FMN2: variants seen among roughly 807,000 people sequenced by gnomAD.
FMN2 encodes the protein formin 2.
FMN2 carries 51 observed loss-of-function variants against 142.3 expected under a neutral mutation model. The observed-to-expected ratio is 0.36, with a 90% CI of 0.29 to 0.45. FMN2 has a LOEUF of 0.45. Among genes scored for constraint, FMN2 ranks in the 20% least tolerant of loss-of-function variants. The pLI is 1.00. For missense variants in FMN2, 1,936 were observed against 2,122.8 expected (o/e 0.91, Z 1.73); for synonymous variants, 882 against 869.8 (o/e 1.01, Z -0.25).
chr1:240,147,529 G>C lies in FMN2; in HGVS notation c.1782+24184G>C, dbSNP rs575568448. 9.1e-4 allele frequency among the ~76,000 whole-genome samples: 138 copies of C among 151,872 alleles called. 1 individual carries two copies. Among genetic ancestry groups the C allele is most frequent in the African/African-American group, 3.2e-3 (133 of 41,364 alleles). ...TTTTTAAAAGATAGGATTTCTCTCTGTCACCCAGGCTGGAGTGCAATGGAA... is the reference window on the plus strand; with the variant it reads ...TTTTTAAAAGATAGGATTTCTCTCTCTCACCCAGGCTGGAGTGCAATGGAA... On this transcript the variant is annotated intron_variant, in intron 2 of 17. Coordinates refer to ENST00000319653, the MANE Select transcript of FMN2 (RefSeq NM_020066.5).
chr1:240,331,326 A>C (rs1328651097), intron 11 of FMN2, among the ~76,000 whole-genome samples: 1 of 152,152 alleles, frequency 6.6e-6, no homozygotes, highest in Non-Finnish European at 1.5e-5. Context: ...CTACTTCTGC[A>C]GTTGTGTTTG....
At chr1:240,450,036 AAG>A (rs1455847801) in intron 16 of FMN2, among the ~76,000 whole-genome samples, 1 of 152,088 alleles carries the variant, frequency 6.6e-6, no homozygotes, top group East Asian at 1.9e-4. Context: ...TCAAAGTTAT[AAG>A]TATTCTTTGA....
At chr1:240,422,213 T>C (rs1348131952) in intron 15 of FMN2, among the ~76,000 whole-genome samples, 1 of 152,214 alleles carries the variant, frequency 6.6e-6, no homozygotes, top group Non-Finnish European at 1.5e-5. Context: ...TTTTGCAGTA[T>C]GGTGTTGGCT....
intron 14 of FMN2, among the ~76,000 whole-genome samples, chr1:240,361,041 A>G (rs1343462891): frequency 2.0e-5 from 3 of 151,260 alleles, no homozygotes; most frequent in Non-Finnish European, 4.4e-5. Flanking sequence ...TAATGGGTGC[A>G]GCACACCAAC....
At chr1:240,159,015 C>T (rs1184241195) in intron 2 of FMN2, among the ~76,000 whole-genome samples, 1 of 152,102 alleles carries the variant, frequency 6.6e-6, no homozygotes, top group African/African-American at 2.4e-5. Flanking sequence ...ATTATAAAAA[C>T]TGTTTCCCGT....
chr1:240,208,988 T>C (rs1666568299), intron 5 of FMN2, among the ~76,000 whole-genome samples: 1 of 152,176 alleles, frequency 6.6e-6, no homozygotes, highest in South Asian at 2.1e-4. Flanking sequence ...TATGTAGTTA[T>C]TGATATATCT....
At chr1:240,147,473 C>T (rs1028070056) in intron 2 of FMN2, among the ~76,000 whole-genome samples, 4 of 152,118 alleles carry the variant, frequency 2.6e-5, no homozygotes, top group African/African-American at 9.7e-5. Flanking sequence ...CTCTTTAGTT[C>T]CTTCTCCACA....
chr1:240,382,400 C>A (rs1386601160), intron 14 of FMN2, among the ~76,000 whole-genome samples: 1 of 152,112 alleles, frequency 6.6e-6, no homozygotes, highest in East Asian at 1.9e-4. Context: ...ACCGGCTGGG[C>A]CTGTAATCCC....
intron 6 of FMN2, among the ~76,000 whole-genome samples, chr1:240,222,021 T>A (rs1365652014): frequency 6.7e-6 from 1 of 149,984 alleles, no homozygotes; most frequent in African/African-American, 2.4e-5. Context: ...CTAATTTTTT[T>A]TTTTTTTTTG....
At chr1:240,119,802 C>A (rs1662164347) in intron 1 of FMN2, among the ~76,000 whole-genome samples, 1 of 152,200 alleles carries the variant, frequency 6.6e-6, no homozygotes, top group African/African-American at 2.4e-5. Context: ...CATTTACCTT[C>A]AGTCACACAC....
intron 8 of FMN2, among the ~76,000 whole-genome samples, chr1:240,312,016 C>A (rs1009835549): frequency 6.6e-6 from 1 of 152,104 alleles, no homozygotes; most frequent in African/African-American, 2.4e-5. Flanking sequence ...TGATATTTTT[C>A]TTTTATTAGT....
chr1:240,373,626 A>G (rs998816046), intron 14 of FMN2, among the ~76,000 whole-genome samples: 1 of 152,164 alleles, frequency 6.6e-6, no homozygotes, highest in African/African-American at 2.4e-5. Flanking sequence ...TTCAAATTTC[A>G]TCATGAGCGA....
chr1:240,214,634 GC>G (rs1313863022), intron 6 of FMN2, among the ~76,000 whole-genome samples: 1 of 151,958 alleles, frequency 6.6e-6, no homozygotes, highest in Non-Finnish European at 1.5e-5. Flanking sequence ...ATTCACACTT[GC>G]CCAATTTTAA....
intron 6 of FMN2, among the ~76,000 whole-genome samples, chr1:240,225,792 G>C (rs999174563): frequency 6.6e-6 from 1 of 152,048 alleles, no homozygotes; most frequent in Non-Finnish European, 1.5e-5. Flanking sequence ...AGAACTCCAG[G>C]CAACTATTTG....
chr1:240,173,639 G>T (rs1419644138), intron 2 of FMN2, among the ~76,000 whole-genome samples: 8 of 152,160 alleles, frequency 5.3e-5, no homozygotes, highest in Non-Finnish European at 1.2e-4. Context: ...ACGTTGAAAT[G>T]ATATTTAAGT....
At chr1:240,265,023 C>T (rs1170559055) in intron 7 of FMN2, among the ~76,000 whole-genome samples, 1 of 152,032 alleles carries the variant, frequency 6.6e-6, no homozygotes, top group Non-Finnish European at 1.5e-5. Flanking sequence ...TTTTTTGAGT[C>T]CTAGCTCAGG....
Position 240,177,990 on chromosome 1 carries a change from T to C in FMN2, c.1852T>C (p.Phe618Leu), listed in dbSNP as rs1416163914. The C allele has an allele frequency of 3.1e-6, 5 of 1,612,908 alleles. No homozygotes were observed. In the African/African-American group the frequency reaches 6.7e-5, roughly 22 times the overall value. ...CTCATTGGACTATTCAGAAGGGCAG[T>C]TTCCTAGGCGAGTTCCATCCATGGG... ...THSLDYSEGQ[F>L]PRRVPSMGPP... The change falls in exon 3 of 18, where the codon TTT (phenylalanine) becomes CTT (leucine). Residue 618 changes from phenylalanine to leucine, a missense_variant. Transcript: ENST00000319653.
At chr1:240,355,708 A>G in intron 13 of FMN2, 108 bp from the exon 14 acceptor site, 1 of 680,590 alleles carries the variant, frequency 1.5e-6, no homozygotes, top group Non-Finnish European at 2.6e-6. Context: ...ACATATGCTG[A>G]TTAGGGGAGT....
intron 8 of FMN2, among the ~76,000 whole-genome samples, chr1:240,320,872 G>A (rs1008595727): frequency 6.6e-6 from 1 of 152,190 alleles, no homozygotes; most frequent in African/African-American, 2.4e-5. Flanking sequence ...AAAAGCAGCG[G>A]TAGGTAAAAA....
Sources: allele counts gnomAD v4.1 joint callset (sites outside exome capture counted in the v4.1 genomes callset), GRCh38; gene constraint gnomAD v4.1.1; transcripts MANE v1.5; gene names NCBI Gene and HGNC (gene_info 2026-07-23, HGNC 2026-07-21).